Variants in RIMS1 observed in about 807,000 individuals in gnomAD.
The protein encoded by RIMS1 is regulating synaptic membrane exocytosis protein 1.
A neutral mutation model predicts 214.1 loss-of-function variants in RIMS1; 83 were observed. The ratio of observed to expected loss-of-function variants is 0.39; its 90% CI spans 0.32 to 0.47. The LOEUF (loss-of-function observed/expected upper bound fraction) is 0.47. Among genes scored for constraint, RIMS1 ranks in the 20% least tolerant of loss-of-function variants. The probability of loss-of-function intolerance (pLI) is 0.99; values close to 1 mark genes in which losing one functional copy is unlikely to be tolerated. For synonymous variants in RIMS1, 793 were observed against 786.8 expected (o/e 1.01, Z -0.13); for missense variants, 2,050 against 2,161.8 (o/e 0.95, Z 1.03).
chr6:72,109,367 T>A (rs1348716764), intron 4 of RIMS1, among the ~76,000 whole-genome samples: 2 of 150,974 alleles, frequency 1.3e-5, no homozygotes, highest in Non-Finnish European at 3.0e-5. Flanking sequence ...CACCTGTTGT[T>A]TCCTGACTTT....
intron 29 of RIMS1, among the ~76,000 whole-genome samples, chr6:72,352,965 G>GT (rs1276521954): frequency 3.4e-5 from 5 of 147,296 alleles, no homozygotes; most frequent in African/African-American, 1.2e-4. Flanking sequence ...AGTCATTTGA[G>GT]AGTTTACATT....
chr6:72,087,320 A>T (rs1300172326), intron 2 of RIMS1, among the ~76,000 whole-genome samples: 1 of 152,232 alleles, frequency 6.6e-6, no homozygotes, highest in Non-Finnish European at 1.5e-5. Flanking sequence ...CTTTAACTGA[A>T]GAAAAATTAG....
At chr6:72,335,732 C>G (rs1395026873) in intron 29 of RIMS1, among the ~76,000 whole-genome samples, 1 of 151,998 alleles carries the variant, frequency 6.6e-6, no homozygotes, top group Non-Finnish European at 1.5e-5. Context: ...TCTCAAGCAT[C>G]TGTTGTTTCC....
chr6:71,903,592 G>T (rs375586964), intron 1 of RIMS1, among the ~76,000 whole-genome samples: 27 of 152,208 alleles, frequency 1.8e-4, no homozygotes, highest in African/African-American at 6.3e-4. Flanking sequence ...GGAATTTTTT[G>T]CAACCTATCA....
At chr6:71,946,620 C>T (rs993105628) in intron 1 of RIMS1, among the ~76,000 whole-genome samples, 2 of 152,074 alleles carry the variant, frequency 1.3e-5, no homozygotes, top group African/African-American at 2.4e-5. Context: ...ACACCATATA[C>T]AAAAATCAAC....
At chr6:72,262,104 G>T in intron 19 of RIMS1, 1 of 984,768 alleles carries the variant, frequency 1.0e-6, no homozygotes. Flanking sequence ...AAGCTACTTA[G>T]TGTGTGCCTG....
chr6:72,271,286 A>AAAATATAT (rs1417580438), intron 22 of RIMS1, among the ~76,000 whole-genome samples: 209 of 44,226 alleles, frequency 4.7e-3, no homozygotes, highest in South Asian at 8.0e-3. Flanking sequence ...AAAAAAAAAA[A>AAAATATAT]ATATATATAT....
At chr6:71,936,625 GT>G (rs1784545997) in intron 1 of RIMS1, among the ~76,000 whole-genome samples, 1 of 152,152 alleles carries the variant, frequency 6.6e-6, no homozygotes, top group African/African-American at 2.4e-5. Flanking sequence ...AGATTTTTGT[GT>G]TTTTATGTTG....
intron 2 of RIMS1, among the ~76,000 whole-genome samples, chr6:72,083,331 T>C (rs1833872406): frequency 6.6e-6 from 1 of 151,346 alleles, no homozygotes. Flanking sequence ...ATCTCCTTTC[T>C]TTTTTTTTGT....
At chr6:72,365,925 T>G (rs984809929) in intron 29 of RIMS1, 2 of 152,220 alleles carry the variant, frequency 1.3e-5, no homozygotes, top group Non-Finnish European at 2.9e-5. Context: ...TGGTTGTGTT[T>G]TGGAGGGTTT....
At chr6:72,184,077 C>G (rs2048761666) in intron 6 of RIMS1, among the ~76,000 whole-genome samples, 2 of 152,158 alleles carry the variant, frequency 1.3e-5, no homozygotes, top group African/African-American at 4.8e-5. Context: ...TTAAAATGCC[C>G]TGTGATGCTT....
At chr6:71,961,222 G>A (rs890567512) in intron 1 of RIMS1, among the ~76,000 whole-genome samples, 1 of 152,118 alleles carries the variant, frequency 6.6e-6, no homozygotes, top group African/African-American at 2.4e-5. Context: ...AGAAAATGGA[G>A]ATGGCCATTA....
intron 2 of RIMS1, among the ~76,000 whole-genome samples, chr6:72,002,580 G>A (rs1805648914): frequency 6.6e-6 from 1 of 152,170 alleles, no homozygotes; most frequent in African/African-American, 2.4e-5. Flanking sequence ...AGCATGCGTG[G>A]CAGCCTGAGG....
At chr6:72,252,649 A>G (rs9351902) in intron 15 of RIMS1, 112 bp from the exon 16 acceptor site, 523,909 of 799,108 alleles carry the variant, frequency 0.66, 176,290 homozygotes, top group East Asian at 0.98. Context: ...ATTAGTCTTC[A>G]TAAGTTTTCA....
chr6:72,316,952 C>G, intron 28 of RIMS1: 4 of 652,272 alleles, frequency 6.1e-6, no homozygotes, highest in South Asian at 5.8e-5. Flanking sequence ...AGAGACCAGG[C>G]CCTAGGCTCT....
At chr6:71,951,478 C>CTTTTTCTTTTTCTTTTT (rs1237497676) in intron 1 of RIMS1, among the ~76,000 whole-genome samples, 5 of 128,856 alleles carry the variant, frequency 3.9e-5, no homozygotes, top group African/African-American at 6.0e-5. Context: ...TTTTCTTTTT[C>CTTTTTCTTTTTCTTTTT]TTTTTTTTTT....
intron 4 of RIMS1, among the ~76,000 whole-genome samples, chr6:72,139,900 T>G (rs1343055329): frequency 1.3e-5 from 2 of 152,146 alleles, no homozygotes; most frequent in Non-Finnish European, 2.9e-5. Context: ...TAAAATTAAT[T>G]AAAGGCCTTA....
chr6:71,964,604 A>C (rs1793918548), intron 1 of RIMS1, among the ~76,000 whole-genome samples: 1 of 152,160 alleles, frequency 6.6e-6, no homozygotes, highest in African/African-American at 2.4e-5. Context: ...GTCAAGTCTA[A>C]AGATTTTCAC....
At chr6:72,391,039 A>G (rs1209554132) in intron 30 of RIMS1, among the ~76,000 whole-genome samples, 1 of 152,198 alleles carries the variant, frequency 6.6e-6, no homozygotes, top group Non-Finnish European at 1.5e-5. Flanking sequence ...GCCACAGGTA[A>G]TGGACTCTTT....
Sources: allele counts gnomAD v4.1 joint callset (sites outside exome capture counted in the v4.1 genomes callset), GRCh38; gene constraint gnomAD v4.1.1; transcripts MANE v1.5; gene names NCBI Gene and HGNC (gene_info 2026-07-23, HGNC 2026-07-21).